The following PCDHA12 variants were observed in gnomAD, a reference collection of about 807,000 sequenced individuals.
PCDHA12 encodes protocadherin alpha 12, also known as protocadherin alpha-12.
A neutral mutation model predicts 60.0 loss-of-function variants in PCDHA12; 44 were observed. That is an observed-to-expected ratio of 0.73 (90% CI 0.58 to 0.94). The LOEUF is 0.94. PCDHA12 is among the 40% of genes least tolerant of loss of function. The pLI, the probability that PCDHA12 is intolerant of heterozygous loss-of-function variation, is 0.00. For missense variants in PCDHA12, 1,276 were observed against 1,239.7 expected (o/e 1.03, Z -0.44); for synonymous variants, 569 against 553.0 (o/e 1.03, Z -0.40).
chr5:140,972,322 T>C (rs2096531924), intron 1 of PCDHA12, among the ~76,000 whole-genome samples: 1 of 151,968 alleles, frequency 6.6e-6, no homozygotes, highest in African/African-American at 2.4e-5. Context: ...AGGTGTTTTT[T>C]TTTTTTGGAA....
intron 1 of PCDHA12, among the ~76,000 whole-genome samples, chr5:140,902,554 A>AT (rs1414683182): frequency 6.6e-6 from 1 of 151,896 alleles, no homozygotes; most frequent in East Asian, 1.9e-4. Context: ...CTATACCCAG[A>AT]TTTTTGAGGG....
intron 3 of PCDHA12, among the ~76,000 whole-genome samples, chr5:140,992,478 A>T (rs2097514142): frequency 6.6e-6 from 1 of 152,210 alleles, no homozygotes; most frequent in African/African-American, 2.4e-5. Flanking sequence ...TAGATCACCC[A>T]GAGGCCAATC....
At chr5:140,902,974 A>T (rs1291767760) in intron 1 of PCDHA12, among the ~76,000 whole-genome samples, 1 of 152,178 alleles carries the variant, frequency 6.6e-6, no homozygotes, top group African/African-American at 2.4e-5. Context: ...ATGGGCATTT[A>T]GGTTGGTTCC....
chr5:140,949,263 C>T (rs1210516513), intron 1 of PCDHA12, among the ~76,000 whole-genome samples: 3 of 151,832 alleles, frequency 2.0e-5, no homozygotes, highest in South Asian at 4.1e-4. Flanking sequence ...GAACATATCA[C>T]GTGCACTTGA....
At chr5:140,907,882 G>A (rs895415928) in intron 1 of PCDHA12, among the ~76,000 whole-genome samples, 1 of 152,168 alleles carries the variant, frequency 6.6e-6, no homozygotes, top group African/African-American at 2.4e-5. Flanking sequence ...GCACTCACAT[G>A]GGATACAAAT....
chr5:140,965,591 C>T (rs1440117062), intron 1 of PCDHA12, among the ~76,000 whole-genome samples: 1 of 151,692 alleles, frequency 6.6e-6, no homozygotes, highest in Non-Finnish European at 1.5e-5. Context: ...AATGGTTTTG[C>T]AGACTCTTGA....
At chr5:140,979,386 A>C (rs1374804536) in intron 2 of PCDHA12, among the ~76,000 whole-genome samples, 1 of 152,142 alleles carries the variant, frequency 6.6e-6, no homozygotes, top group East Asian at 1.9e-4. Flanking sequence ...TGTGCAATGT[A>C]TACATACATG....
intron 3 of PCDHA12, among the ~76,000 whole-genome samples, chr5:140,992,705 T>C (rs1291266922): frequency 6.6e-6 from 1 of 152,188 alleles, no homozygotes; most frequent in African/African-American, 2.4e-5. Flanking sequence ...GTAATGTTCC[T>C]GCCAGTATTC....
At chr5:140,951,395 G>A (rs1036290024) in intron 1 of PCDHA12, among the ~76,000 whole-genome samples, 1 of 152,030 alleles carries the variant, frequency 6.6e-6, no homozygotes, top group African/African-American at 2.4e-5. Flanking sequence ...AATTTATAAA[G>A]AAAAGAGGTT....
chr5:140,966,860 T>A, intron 1 of PCDHA12: 1 of 1,577,482 alleles, frequency 6.3e-7, no homozygotes, highest in Middle Eastern at 1.7e-4. Flanking sequence ...CCTGCTGCTG[T>A]TGCTGCTGCT....
chr5:140,943,923 C>A (rs1454812803), intron 1 of PCDHA12, among the ~76,000 whole-genome samples: 1 of 152,162 alleles, frequency 6.6e-6, no homozygotes, highest in Non-Finnish European at 1.5e-5. Flanking sequence ...GCATGAGCAG[C>A]TTTAGAAGTG....
At position 140,928,087 on chromosome 5, in the gene PCDHA12, A is replaced by T. The variant is rs1554205462; in HGVS notation, c.2367+50248A>T. On this transcript the variant is annotated intron_variant, in intron 1 of 3. Coordinates refer to ENST00000398631, the MANE Select transcript of PCDHA12 (RefSeq NM_018903.4). The stretch of plus-strand genomic sequence containing the variant: ...CTTTGACAACTACTACAGCCTGCTG[A>T]TTGATGGGCCCCTGGACCGGGAGCA... 3.1e-6 allele frequency: 5 copies of T among 1,614,022 alleles called. No individual in the cohort carries two copies. In the African/African-American group the frequency reaches 5.3e-5, roughly 17 times the overall value.
In PCDHA12 at chr5:141,002,285, A is replaced by C. The variant is rs2098070605; in HGVS notation, c.2516-7342A>C. On this transcript the variant is annotated intron_variant, in intron 3 of 3. Coordinates refer to ENST00000398631, the MANE Select transcript of PCDHA12 (RefSeq NM_018903.4). ...CCCAGAGCTGGTAACAAAGGGATGA[A>C]TGGGGAGCAAAGGGGCGGGGCCGAA... 4.6e-5 allele frequency among the ~76,000 whole-genome samples: 7 copies of C among 152,158 alleles called. No individual in the cohort carries two copies. In the South Asian group the frequency reaches 1.4e-3, roughly 31 times the overall value.
intron 1 of PCDHA12, chr5:140,883,740 C>A: frequency 6.2e-7 from 1 of 1,613,368 alleles, no homozygotes; most frequent in Non-Finnish European, 8.5e-7. Context: ...GCGCTGGTCT[C>A]CTACTCGCTG....
At chr5:140,969,584 G>C in intron 1 of PCDHA12, 1 of 907,936 alleles carries the variant, frequency 1.1e-6, no homozygotes, top group Non-Finnish European at 1.6e-6. Context: ...GTGAGGATTA[G>C]TCTTAATATT....
intron 3 of PCDHA12, among the ~76,000 whole-genome samples, chr5:140,994,778 G>A (rs1488910527): frequency 1.3e-5 from 2 of 152,152 alleles, no homozygotes; most frequent in Non-Finnish European, 2.9e-5. Flanking sequence ...TCCAGGCAAA[G>A]GAAACAATGC....
At chr5:140,891,801 C>T (rs2063255606) in intron 1 of PCDHA12, among the ~76,000 whole-genome samples, 1 of 152,056 alleles carries the variant, frequency 6.6e-6, no homozygotes, top group Non-Finnish European at 1.5e-5. Context: ...AGGGATCTGC[C>T]CTCATGAATA....
chr5:140,882,086 A>G (rs1416648023), intron 1 of PCDHA12: 4 of 1,056,010 alleles, frequency 3.8e-6, no homozygotes, highest in South Asian at 1.7e-5. Context: ...GTCGCTCTTC[A>G]CTGAGAACGT....
intron 3 of PCDHA12, among the ~76,000 whole-genome samples, chr5:140,985,090 A>C (rs1214396432): frequency 6.6e-6 from 1 of 152,076 alleles, no homozygotes; most frequent in Non-Finnish European, 1.5e-5. Context: ...GGCGTGTGCC[A>C]CCAAGCCTGG....
Sources: gnomAD v4.1 joint callset for allele counts (sites outside exome capture counted in the v4.1 genomes callset) on GRCh38, gnomAD v4.1.1 for gene constraint, MANE v1.5 for transcripts, NCBI Gene and HGNC (gene_info 2026-07-23, HGNC 2026-07-21) for gene names.